HHIPL1: variants seen among roughly 807,000 people sequenced by gnomAD.
HHIPL1 encodes HHIP like 1.
A neutral mutation model predicts 61.8 loss-of-function variants in HHIPL1; 43 were observed. That is an observed-to-expected ratio of 0.70 (90% CI 0.55 to 0.90). The LOEUF (loss-of-function observed/expected upper bound fraction) is 0.90, where lower values mean the gene tolerates loss of function less well. Ranked by LOEUF, HHIPL1 falls within the 40% of genes least tolerant of loss-of-function variation. The probability of loss-of-function intolerance (pLI) is 0.00; values close to 1 mark genes in which losing one functional copy is unlikely to be tolerated. For missense variants in HHIPL1, 1,056 were observed against 1,157.7 expected (o/e 0.91, Z 1.28); for synonymous variants, 482 against 515.8 (o/e 0.93, Z 0.89).
At position 99,668,953 on chromosome 14, in the gene HHIPL1, CTGGGGCCCAGGGCCAGGG is replaced by C. The variant is rs1566816692; in HGVS notation, c.1730+662_1730+679del. The stretch of plus-strand genomic sequence containing the variant: ...AGCACAAAGACACGAAGTCATGGGC[CTGGGGCCCAGGGCCAGGG>C]TGGGGCCCAGGCCACTGGCTCCAGA... On this transcript the variant is annotated intron_variant, in intron 7 of 8. Transcript: ENST00000330710. This position sits in a 1 kb window ranked among gnomAD's most constrained non-coding sequence, Gnocchi z 4.7. The C allele has an allele frequency of 6.2e-7, 1 of 1,604,216 alleles. No individual in the cohort carries two copies. The highest frequency in any genetic ancestry group is 8.5e-7 in the Non-Finnish European group (1 of 1,173,906).
In HHIPL1 at chr14:99,660,341, C is replaced by T. The variant is rs759187122; in HGVS notation, c.1437C>T (p.Tyr479=). 6.2e-6 allele frequency: 10 copies of T among 1,614,120 alleles called. No homozygotes were observed. The highest frequency in any genetic ancestry group is 7.6e-6 in the Non-Finnish European group (9 of 1,179,996). The change falls in exon 5 of 9, where the codon TAC becomes TAT. Residue 479 remains tyrosine, a synonymous_variant. Coordinates refer to ENST00000330710, the MANE Select transcript of HHIPL1 (RefSeq NM_001127258.3). The surrounding 1 kb of genome is among the most constrained non-coding windows in gnomAD (Gnocchi z 4.9). The part of the protein sequence containing the change: ...HTVGKSVTGG[Y]VYRGCEYPNL... ...TTGGCAAGTCGGTCACAGGGGGCTA[C>T]GTGTACCGGGGCTGCGAGTACCCCA...
the HHIPL1 span, among the ~76,000 whole-genome samples, chr14:99,612,189 G>A: frequency 6.6e-6 from 1 of 152,222 alleles, no homozygotes; most frequent in East Asian, 1.9e-4. Context: ...TGAGAGCCGA[G>A]CGATGGGGAG....
Position 99,645,363 on chromosome 14 carries a change from C to T in HHIPL1, c.156C>T (p.Arg52=). ...YSDFGCCDEG[R]DAELTRRFWA... ...ACTTCGGCTGCTGCGATGAGGGGCG[C>T]GACGCCGAGCTGACCCGCCGCTTCT... Residue 52 remains arginine (R), a synonymous_variant, in exon 1 of 9, where the codon CGC becomes CGT. Coordinates refer to ENST00000330710, the MANE Select transcript of HHIPL1 (RefSeq NM_001127258.3). The T allele has an allele frequency of 1.4e-6, 2 of 1,443,796 alleles. No homozygotes were observed. Among genetic ancestry groups the T allele is most frequent in the East Asian group, 3.1e-5 (1 of 32,628 alleles). 89.4% of individuals were successfully genotyped at this position (1,443,796 alleles called of 1,614,324 possible). A position where few individuals can be genotyped will look rare whatever the true frequency, so the allele number is the denominator to read the frequency against.
chr14:99,642,822 C>CTCCTGA (rs1161027116), upstream of HHIPL1, among the ~76,000 whole-genome samples: 1 of 152,072 alleles, frequency 6.6e-6, no homozygotes, highest in African/African-American at 2.4e-5. Flanking sequence ...CTGTGCCCGG[C>CTCCTGA]CTTCATTTTT....
In HHIPL1 at chr14:99,668,420, A is replaced by G. The variant is rs1170691916; in HGVS notation, c.1730+117A>G. Reference sequence around the variant, plus strand: ...GTGGTATTAATCCCCATTTTCAGACAAGAACCCTGAGGCCCAGAGAGGGAC... The same window carrying G: ...GTGGTATTAATCCCCATTTTCAGACGAGAACCCTGAGGCCCAGAGAGGGAC... On this transcript the variant is annotated intron_variant, in intron 7 of 8. Transcript: ENST00000330710. This position sits in a 1 kb window ranked among gnomAD's most constrained non-coding sequence, Gnocchi z 4.7. 1 of 683,690 alleles carries G rather than the reference A, an allele frequency of 1.5e-6. No homozygotes were observed. The highest frequency in any genetic ancestry group is 2.6e-6 in the Non-Finnish European group (1 of 378,626). The allele number at this position is 683,690 out of a possible 1,614,324, so 42.4% of individuals were successfully genotyped here.
intron 3 of HHIPL1, among the ~76,000 whole-genome samples, chr14:99,659,143 T>C (rs2056098145): frequency 6.6e-6 from 1 of 152,230 alleles, no homozygotes; most frequent in South Asian, 2.1e-4. Flanking sequence ...CACACCTACC[T>C]AAACGACTGT....
Position 99,668,935 on chromosome 14 carries a change from AGACAC to A in HHIPL1, c.1730+635_1730+639del. On this transcript the variant is annotated intron_variant, in intron 7 of 8. Coordinates refer to ENST00000330710, the MANE Select transcript of HHIPL1 (RefSeq NM_001127258.3). The surrounding 1 kb of genome is among the most constrained non-coding windows in gnomAD (Gnocchi z 4.7). ...TTTACAGTGGTGGAAATGAGCACAA[AGACAC>A]GAAGTCATGGGCCTGGGGCCCAGGG... 1 of 1,610,918 alleles carries A rather than the reference AGACAC, an allele frequency of 6.2e-7. No individual in the cohort carries two copies. The highest frequency in any genetic ancestry group is 8.5e-7 in the Non-Finnish European group (1 of 1,177,526).
At chr14:99,632,333 C>T in the HHIPL1 span, among the ~76,000 whole-genome samples, 2 of 152,196 alleles carry the variant, frequency 1.3e-5, no homozygotes, top group Non-Finnish European at 2.9e-5. Flanking sequence ...CCTCTGAGGA[C>T]AGGGAGCTCA....
chr14:99,639,368 G>T, the HHIPL1 span, among the ~76,000 whole-genome samples: 3 of 151,740 alleles, frequency 2.0e-5, no homozygotes, highest in Non-Finnish European at 4.4e-5. Flanking sequence ...TTATTTTTTT[G>T]AGACAGGGTC....
the HHIPL1 span, among the ~76,000 whole-genome samples, chr14:99,634,831 A>G: frequency 6.6e-6 from 1 of 152,150 alleles, no homozygotes; most frequent in Admixed American, 6.5e-5. Flanking sequence ...CCGCAGCGGG[A>G]GTGCTGTTGT....
the HHIPL1 span, among the ~76,000 whole-genome samples, chr14:99,638,458 C>T: frequency 2.6e-5 from 4 of 152,178 alleles, no homozygotes; most frequent in Admixed American, 6.5e-5. Context: ...GTGCCCATAC[C>T]GACCCAGTCT....
At chr14:99,665,166 A>T (rs1256606191) in intron 6 of HHIPL1, among the ~76,000 whole-genome samples, 2 of 152,042 alleles carry the variant, frequency 1.3e-5, no homozygotes, top group East Asian at 3.9e-4. Context: ...ACCTCAGGTG[A>T]CCCCAAAGTG....
intron 1 of HHIPL1, among the ~76,000 whole-genome samples, chr14:99,648,010 T>G (rs978529916): frequency 6.6e-6 from 1 of 152,184 alleles, no homozygotes; most frequent in Non-Finnish European, 1.5e-5. Flanking sequence ...GATGGAGATC[T>G]CCATGAAATG....
chr14:99,638,085 T>A, the HHIPL1 span, among the ~76,000 whole-genome samples: 3 of 152,228 alleles, frequency 2.0e-5, no homozygotes, highest in African/African-American at 7.2e-5. Context: ...TTCTTGGTAA[T>A]TTTTCCATAA....
upstream of HHIPL1, among the ~76,000 whole-genome samples, chr14:99,644,530 A>C (rs373956401): frequency 6.6e-6 from 1 of 152,220 alleles, no homozygotes; most frequent in African/African-American, 2.4e-5. Context: ...CTGGATGCCC[A>C]TCCCAGGAGG....
the HHIPL1 span, among the ~76,000 whole-genome samples, chr14:99,628,818 C>CCATA: frequency 6.6e-6 from 1 of 152,112 alleles, no homozygotes; most frequent in Non-Finnish European, 1.5e-5. Context: ...GCCTCAGTTT[C>CCATA]CCTGTGGCTT....
chr14:99,621,709 C>CTTTTTTTTTTTTTTTT, the HHIPL1 span, among the ~76,000 whole-genome samples: 2 of 84,534 alleles, frequency 2.4e-5, no homozygotes, highest in Non-Finnish European at 2.1e-5. Context: ...CTTTTCTTTT[C>CTTTTTTTTTTTTTTTT]TTTTTTTTTT....
rs1159536411 is a variant in HHIPL1 at position 99,660,292 on chromosome 14, C to T, written c.1388C>T (p.Pro463Leu). Residue 463 changes from proline to leucine, a missense_variant, in exon 5 of 9, where the codon CCG becomes CTG. Pro to Leu is a moderately conservative substitution (Grantham distance 98). Transcript: ENST00000330710. The surrounding 1 kb of genome is among the most constrained non-coding windows in gnomAD (Gnocchi z 4.9). ...CANTSLNDLL[P>L]IFAYPHTVGK... ...TCCCACCCCGCAGATGACTTGCTGC[C>T]GATTTTCGCCTACCCGCACACGGTT... 1 of 1,614,072 alleles carries T rather than the reference C, an allele frequency of 6.2e-7. No individual in the cohort carries two copies. Among genetic ancestry groups the T allele is most frequent in the Non-Finnish European group, 8.5e-7 (1 of 1,180,008 alleles).
the HHIPL1 span, among the ~76,000 whole-genome samples, chr14:99,608,016 G>A: frequency 6.6e-6 from 1 of 152,148 alleles, no homozygotes; most frequent in African/African-American, 2.4e-5. Flanking sequence ...CACTGGGAGT[G>A]GCTTCCTAGA....
Sources: gnomAD v4.1 joint callset for allele counts (sites outside exome capture counted in the v4.1 genomes callset) on GRCh38, gnomAD v4.1.1 for gene constraint, Gnocchi (gnomAD v3.1) non-coding constraint, MANE v1.5 for transcripts, NCBI Gene and HGNC (gene_info 2026-07-23, HGNC 2026-07-21) for gene names.